The following LOC400499 variants were observed in gnomAD, a reference collection of about 807,000 sequenced individuals.
chr16:11,376,085 A>G, the LOC400499 span, among the ~76,000 whole-genome samples: 1 of 152,148 alleles, frequency 6.6e-6, no homozygotes, highest in African/African-American at 2.4e-5. Context: ...TTACATTGTG[A>G]GAGTGCTTTA....
chr16:11,469,223 C>T, the LOC400499 span: 7 of 399,342 alleles, frequency 1.8e-5, no homozygotes, highest in South Asian at 1.3e-4. Context: ...CCAAGTGACC[C>T]GTGTGGGCAC....
chr16:11,428,588 G>A, the LOC400499 span, among the ~76,000 whole-genome samples: 3 of 152,130 alleles, frequency 2.0e-5, no homozygotes, highest in Admixed American at 6.5e-5. Flanking sequence ...GGACGCTCTC[G>A]TCACCATCTT....
At chr16:11,384,041 G>C in the LOC400499 span, 4 of 1,231,838 alleles carry the variant, frequency 3.2e-6, no homozygotes, top group Non-Finnish European at 3.0e-6. Flanking sequence ...CAGGCCTCCT[G>C]CTGGACCATG....
chr16:11,522,728 A>C, the LOC400499 span, among the ~76,000 whole-genome samples: 1 of 152,100 alleles, frequency 6.6e-6, no homozygotes, highest in Non-Finnish European at 1.5e-5. Context: ...GAGTCTGACT[A>C]CTCACCTATC....
chr16:11,420,580 A>C, the LOC400499 span, among the ~76,000 whole-genome samples: 2 of 148,324 alleles, frequency 1.3e-5, no homozygotes, highest in African/African-American at 5.1e-5. Context: ...TGTACCCTAA[A>C]ACTTAAATAA....
At chr16:11,452,893 T>C in the LOC400499 span, among the ~76,000 whole-genome samples, 4 of 152,374 alleles carry the variant, frequency 2.6e-5, no homozygotes, top group African/African-American at 9.6e-5. Flanking sequence ...GCTCTGGATC[T>C]CCAGTTACTC....
At chr16:11,473,974 C>T in the LOC400499 span, among the ~76,000 whole-genome samples, 2 of 152,150 alleles carry the variant, frequency 1.3e-5, no homozygotes, top group Non-Finnish European at 2.9e-5. Context: ...TCCTGTCAGC[C>T]TTCCAAGTAG....
chr16:11,490,556 C>T, the LOC400499 span, among the ~76,000 whole-genome samples: 2 of 152,026 alleles, frequency 1.3e-5, no homozygotes, highest in Non-Finnish European at 2.9e-5. Flanking sequence ...AAAAAATTAG[C>T]TGGGCGAGGT....
At chr16:11,457,218 G>A in the LOC400499 span, 2 of 595,880 alleles carry the variant, frequency 3.4e-6, no homozygotes, top group East Asian at 5.9e-5. Flanking sequence ...AGGATGTGGA[G>A]AAATCTGAAT....
chr16:11,497,344 T>G, the LOC400499 span, among the ~76,000 whole-genome samples: 1 of 152,164 alleles, frequency 6.6e-6, no homozygotes, highest in African/African-American at 2.4e-5. Context: ...TTCCCTATAT[T>G]TGAGCAAAGA....
At chr16:11,484,840 T>TG in the LOC400499 span, 2 of 398,826 alleles carry the variant, frequency 5.0e-6, no homozygotes, top group African/African-American at 4.1e-5. Flanking sequence ...GGGGTGGGCC[T>TG]GCCTGGGGGA....
the LOC400499 span, chr16:11,476,976 C>T: frequency 2.5e-6 from 1 of 399,312 alleles, no homozygotes; most frequent in Non-Finnish European, 4.4e-6. Context: ...CAGCTGCATC[C>T]CGAGGGCCCT....
the LOC400499 span, chr16:11,393,354 G>A: frequency 2.0e-5 from 24 of 1,229,302 alleles, no homozygotes; most frequent in Non-Finnish European, 2.2e-5. Flanking sequence ...AGGGGCCGTG[G>A]CCCAGCTAGC....
the LOC400499 span, among the ~76,000 whole-genome samples, chr16:11,507,657 C>T: frequency 9.2e-5 from 14 of 152,344 alleles, no homozygotes; most frequent in South Asian, 2.1e-4. Flanking sequence ...CCTGGCAGGG[C>T]GCAGTGGCTC....
the LOC400499 span, among the ~76,000 whole-genome samples, chr16:11,509,716 A>T: frequency 2.0e-5 from 3 of 152,042 alleles, no homozygotes; most frequent in Admixed American, 6.6e-5. Context: ...CTGTAATCCC[A>T]GTTACACGGG....
At chr16:11,479,911 T>C in the LOC400499 span, among the ~76,000 whole-genome samples, 6 of 152,208 alleles carry the variant, frequency 3.9e-5, no homozygotes, top group Admixed American at 3.3e-4. Context: ...GGCAGTTTTT[T>C]AGTCTTTGAT....
At chr16:11,401,268 G>T in the LOC400499 span, 1 of 399,024 alleles carries the variant, frequency 2.5e-6, no homozygotes, top group African/African-American at 2.1e-5. Flanking sequence ...TCACTCACCT[G>T]CCGGCTCTGC....
chr16:11,492,550 C>T, the LOC400499 span, among the ~76,000 whole-genome samples: 12 of 151,752 alleles, frequency 7.9e-5, no homozygotes, highest in Admixed American at 2.0e-4. Context: ...TTTGGGAAGC[C>T]GAGCTGGGAG....
At chr16:11,382,443 G>A in the LOC400499 span, among the ~76,000 whole-genome samples, 6 of 152,166 alleles carry the variant, frequency 3.9e-5, no homozygotes, top group South Asian at 2.1e-4. Context: ...GGAATCATAC[G>A]CAGCACTGGA....
Sources: allele counts gnomAD v4.1 joint callset (sites outside exome capture counted in the v4.1 genomes callset), GRCh38; gene constraint gnomAD v4.1.1; transcripts MANE v1.5.